COL24A1: variants seen among roughly 807,000 people sequenced by gnomAD.
COL24A1 encodes the protein collagen alpha-1(XXIV) chain.
A neutral mutation model predicts 253.9 loss-of-function variants in COL24A1; 224 were observed. The ratio of observed to expected loss-of-function variants is 0.88; its 90% CI spans 0.79 to 0.99. The LOEUF is 0.99. COL24A1 is among the 50% of genes least tolerant of loss of function. The pLI is 0.00. For missense variants in COL24A1, 2,131 were observed against 2,068.5 expected (o/e 1.03, Z -0.59); for synonymous variants, 685 against 673.7 (o/e 1.02, Z -0.26).
chr1:86,061,958 C>A (rs1701120892), intron 8 of COL24A1, among the ~76,000 whole-genome samples: 1 of 151,998 alleles, frequency 6.6e-6, no homozygotes, highest in Non-Finnish European at 1.5e-5. Context: ...CGGCACTGCT[C>A]CAGCACTGCT....
intron 24 of COL24A1, among the ~76,000 whole-genome samples, chr1:85,936,701 G>A (rs1465212482): frequency 6.8e-6 from 1 of 147,038 alleles, no homozygotes; most frequent in Non-Finnish European, 1.5e-5. Context: ...CACATGACCT[G>A]GCAGACCCTA....
intron 25 of COL24A1, 34 bp downstream of exon 25, chr1:85,911,346 T>C: frequency 6.4e-7 from 1 of 1,560,526 alleles, no homozygotes; most frequent in Non-Finnish European, 8.8e-7. Flanking sequence ...CCTAGATTTC[T>C]TCCTATAAAA....
chr1:86,025,116 G>A (rs934771699), intron 14 of COL24A1, among the ~76,000 whole-genome samples: 1 of 152,138 alleles, frequency 6.6e-6, no homozygotes, highest in Non-Finnish European at 1.5e-5. Flanking sequence ...CACAAATTGA[G>A]TGGAAATCCT....
At position 86,108,648 on chromosome 1, in the gene COL24A1, AAAT is replaced by A. The variant is rs1167037017; in HGVS notation, c.1599+3916_1599+3918del. The stretch of plus-strand genomic sequence containing the variant: ...AAAAAAAAAAAAAAAAAAAAAAAAA[AAAT>A]TTTAAATTAGCCAGGCATGGTGGCA... On this transcript the variant is annotated intron_variant, in intron 5 of 59. Coordinates refer to ENST00000370571, the MANE Select transcript of COL24A1 (RefSeq NM_152890.7). Among the ~76,000 whole-genome samples the A allele has an allele frequency of 4.8e-4, 50 of 105,118 alleles. 2 individuals are homozygous for A. Among genetic ancestry groups the A allele is most frequent in the Middle Eastern group, 6.0e-3 (1 of 168 alleles). 69.0% of individuals were successfully genotyped at this position (105,118 alleles called of 152,430 possible). A position where few individuals can be genotyped will look rare whatever the true frequency, so the allele number is the denominator to read the frequency against.
chr1:86,022,975 A>T lies in COL24A1; in HGVS notation c.2082T>A (p.Pro694=). Reference sequence around the variant, plus strand: ...ATACCATTGGGCCAGGAATTCCAGCAGGTCCAATTGGTCCCACAGGGCCAA... The same window carrying T: ...ATACCATTGGGCCAGGAATTCCAGCTGGTCCAATTGGTCCCACAGGGCCAA... The part of the protein sequence containing the change: ...GSVGPVGPIG[P]AGIPGPMGLS... Residue 694 remains proline (P), a synonymous_variant, in exon 15 of 60, where the codon CCT becomes CCA. Coordinates refer to ENST00000370571, the MANE Select transcript of COL24A1 (RefSeq NM_152890.7). 1.2e-6 allele frequency: 2 copies of T among 1,613,344 alleles called. No individual in the cohort carries two copies. The highest frequency in any genetic ancestry group is 1.7e-6 in the Non-Finnish European group (2 of 1,179,536).
At chr1:85,889,237 C>T (rs572163588) in intron 32 of COL24A1, among the ~76,000 whole-genome samples, 3 of 151,898 alleles carry the variant, frequency 2.0e-5, no homozygotes, top group East Asian at 1.9e-4. Flanking sequence ...TGTGATTGTG[C>T]GTGTGTGGCA....
intron 5 of COL24A1, among the ~76,000 whole-genome samples, chr1:86,110,267 T>C (rs1053233079): frequency 8.6e-5 from 13 of 152,010 alleles, no homozygotes; most frequent in Admixed American, 2.6e-4. Context: ...TATCATTAAA[T>C]ATTTTATGTT....
chr1:86,153,727 T>C (rs1184847427), intron 1 of COL24A1, among the ~76,000 whole-genome samples: 6 of 152,204 alleles, frequency 3.9e-5, no homozygotes, highest in Non-Finnish European at 5.9e-5. Flanking sequence ...CTAAGCAACT[T>C]TAAAAAATAG....
rs899051427 is a variant in COL24A1 at position 85,938,702 on chromosome 1, A to G, written c.2562+22547T>C. On this transcript the variant is annotated intron_variant, in intron 24 of 59. Transcript: ENST00000370571. ...CTTCCAAGGTACTCCTTCAAGGAAGAACTTGTGTGGCCCAAGCTGTCAGTA... is the reference window on the plus strand; with the variant it reads ...CTTCCAAGGTACTCCTTCAAGGAAGGACTTGTGTGGCCCAAGCTGTCAGTA... Among the ~76,000 whole-genome samples, 13 of 146,300 alleles carry G rather than the reference A, an allele frequency of 8.9e-5. 1 individual carries two copies. Among genetic ancestry groups the G allele is most frequent in the African/African-American group, 2.8e-4 (11 of 39,886 alleles).
At chr1:86,054,459 A>G (rs12730639) in intron 10 of COL24A1, among the ~76,000 whole-genome samples, 15,421 of 152,154 alleles carry the variant, frequency 0.1, 870 homozygotes, top group Middle Eastern at 0.2. Flanking sequence ...GAAAAAAACA[A>G]ATAACTTTAT....
intron 5 of COL24A1, among the ~76,000 whole-genome samples, chr1:86,110,586 G>C (rs969916523): frequency 1.3e-5 from 2 of 152,016 alleles, no homozygotes; most frequent in African/African-American, 4.8e-5. Flanking sequence ...AACTGGGGCT[G>C]CGTGCGGCGC....
At chr1:86,088,683 C>A (rs907048486) in intron 7 of COL24A1, among the ~76,000 whole-genome samples, 2 of 152,136 alleles carry the variant, frequency 1.3e-5, no homozygotes, top group Non-Finnish European at 2.9e-5. Context: ...TCTGTATATA[C>A]CTCAAGACAG....
At chr1:86,149,359 G>C (rs1362667805) in intron 1 of COL24A1, among the ~76,000 whole-genome samples, 1 of 152,206 alleles carries the variant, frequency 6.6e-6, no homozygotes. Context: ...TGATGTGTGG[G>C]CTCTCCAGGA....
In COL24A1 at chr1:86,125,322, G is replaced by GAT. The variant is rs1381580697; in HGVS notation, c.1012_1013dup (p.Thr339SerfsTer14). ...AATTTGTCTGAGTATCTTCCTCAGT[G>GAT]ATCATTTCTTTGGCCTGAATCCCAT... On this transcript the variant is annotated frameshift_variant, in exon 3 of 60. Coordinates refer to ENST00000370571, the MANE Select transcript of COL24A1 (RefSeq NM_152890.7). LOFTEE classifies it high-confidence loss of function. The GAT allele has an allele frequency of 1.9e-6, 3 of 1,613,518 alleles. No homozygotes were observed. In the African/African-American group the frequency reaches 4.0e-5, roughly 22 times the overall value.
chr1:85,893,807 T>TA (rs1158786869), intron 31 of COL24A1, among the ~76,000 whole-genome samples: 1 of 152,094 alleles, frequency 6.6e-6, no homozygotes, highest in Non-Finnish European at 1.5e-5. Context: ...ATTTTAAAAA[T>TA]AAAAAATATG....
chr1:86,148,280 G>A (rs1281569414), intron 1 of COL24A1, among the ~76,000 whole-genome samples: 1 of 152,046 alleles, frequency 6.6e-6, no homozygotes, highest in Non-Finnish European at 1.5e-5. Context: ...TGCTTGCCAG[G>A]TTCAAGCAAT....
At position 86,031,859 on chromosome 1, in the gene COL24A1, G is replaced by A; in HGVS notation, c.2049+19C>T. 6.3e-7 allele frequency: 1 copy of A among 1,580,794 alleles called. No individual in the cohort carries two copies. Among genetic ancestry groups the A allele is most frequent in the Non-Finnish European group, 8.6e-7 (1 of 1,161,140 alleles). On this transcript the variant is annotated intron_variant, in intron 14 of 59. Transcript: ENST00000370571. ...AATAAAATATTTTCTTAAGAATGAT[G>A]ATATTTAGTGATACTCACTCTAAGC...
chr1:86,039,241 A>G (rs1037971305), intron 12 of COL24A1, among the ~76,000 whole-genome samples: 1 of 152,202 alleles, frequency 6.6e-6, no homozygotes, highest in Admixed American at 6.5e-5. Flanking sequence ...ATTAAACACT[A>G]AGACCAAAAG....
chr1:85,939,012 C>T (rs919149164), intron 24 of COL24A1, among the ~76,000 whole-genome samples: 7 of 151,768 alleles, frequency 4.6e-5, no homozygotes, highest in South Asian at 2.1e-4. Flanking sequence ...TACCCTGTAG[C>T]GAAATGCCAT....
Sources: allele counts gnomAD v4.1 joint callset (sites outside exome capture counted in the v4.1 genomes callset), GRCh38; gene constraint gnomAD v4.1.1; transcripts MANE v1.5; gene names NCBI Gene and HGNC (gene_info 2026-07-23, HGNC 2026-07-21).